Variants in RABGAP1L observed in about 807,000 individuals in gnomAD.
The protein encoded by RABGAP1L is RAB GTPase activating protein 1 like.
A neutral mutation model predicts 137.7 loss-of-function variants in RABGAP1L; 63 were observed. The observed-to-expected ratio is 0.46, with a 90% CI of 0.37 to 0.56. The LOEUF (loss-of-function observed/expected upper bound fraction) is 0.56. Ranked by LOEUF, RABGAP1L falls within the 20% of genes least tolerant of loss-of-function variation. The pLI is 0.00. For missense variants in RABGAP1L, 1,095 were observed against 1,244.0 expected, an observed-to-expected ratio of 0.88 and a Z score of 1.80; for synonymous variants, 431 against 433.7, an observed-to-expected ratio of 0.99 and a Z score of 0.08.
intron 18 of RABGAP1L, among the ~76,000 whole-genome samples, chr1:174,807,269 A>G (rs894684248): frequency 1.3e-5 from 2 of 152,216 alleles, no homozygotes; most frequent in African/African-American, 4.8e-5. Flanking sequence ...ATTTTGGGCC[A>G]TGAATATGTA....
In RABGAP1L at chr1:174,460,090, G is replaced by T. The variant is rs562469345; in HGVS notation, c.1710+65945G>T. Among the ~76,000 whole-genome samples, 578 of 151,976 alleles carry T rather than the reference G, an allele frequency of 3.8e-3. 4 individuals carry two copies. Among genetic ancestry groups the T allele is most frequent in the African/African-American group, 0.012 (498 of 41,456 alleles). On this transcript the variant is annotated intron_variant, in intron 13 of 25. Transcript: ENST00000681986. ...GAGTGACAAGGTATATTGTTTCCAC[G>T]TTTTTATATACCCACCAGCTTGCCC...
chr1:174,445,625 G>A (rs1654655566), intron 13 of RABGAP1L, among the ~76,000 whole-genome samples: 1 of 152,158 alleles, frequency 6.6e-6, no homozygotes, highest in African/African-American at 2.4e-5. Flanking sequence ...TAATTAAAAT[G>A]TAACTATATA....
At chr1:174,362,124 TA>T (rs572550563) in intron 11 of RABGAP1L, among the ~76,000 whole-genome samples, 13 of 152,378 alleles carry the variant, frequency 8.5e-5, no homozygotes, top group African/African-American at 3.1e-4. Context: ...TCATTTTTTT[TA>T]TGGCTACATA....
intron 13 of RABGAP1L, among the ~76,000 whole-genome samples, chr1:174,407,933 C>T (rs1031790461): frequency 2.6e-5 from 4 of 152,062 alleles, no homozygotes; most frequent in Admixed American, 6.6e-5. Flanking sequence ...ATTAGCATTA[C>T]ACGGCATTTC....
chr1:174,542,768 T>C (rs754895914), intron 13 of RABGAP1L, among the ~76,000 whole-genome samples: 4 of 152,230 alleles, frequency 2.6e-5, no homozygotes, highest in Non-Finnish European at 1.5e-5. Flanking sequence ...GCTTTAAATG[T>C]GTCCCAGAGA....
Position 174,500,712 on chromosome 1 carries a change from CCTT to C in RABGAP1L, c.1710+106570_1710+106572del, listed in dbSNP as rs1409751833. ...CCCATACACTCATTTAATGCCATAACCTTCTGATATAGATATTATTATCCATAA... is the reference window on the plus strand; with the variant it reads ...CCCATACACTCATTTAATGCCATAACCTGATATAGATATTATTATCCATAA... On this transcript the variant is annotated intron_variant, in intron 13 of 25. Coordinates refer to ENST00000681986, the MANE Select transcript of RABGAP1L (RefSeq NM_001366446.1). 9.2e-5 allele frequency among the ~76,000 whole-genome samples: 14 copies of C among 152,048 alleles called. No homozygotes were observed. In the East Asian group the frequency reaches 2.5e-3, roughly 27 times the overall value.
At chr1:174,736,987 G>T (rs1444873647) in intron 17 of RABGAP1L, among the ~76,000 whole-genome samples, 20 of 152,188 alleles carry the variant, frequency 1.3e-4, no homozygotes, top group Admixed American at 1.3e-3. Context: ...CTGTCTCCAA[G>T]ATCTCTGAAA....
intron 17 of RABGAP1L, among the ~76,000 whole-genome samples, chr1:174,723,388 G>A (rs1469795918): frequency 1.3e-5 from 2 of 152,160 alleles, no homozygotes; most frequent in Admixed American, 6.5e-5. Flanking sequence ...ATTTTTGTAA[G>A]TCAAAATTTT....
chr1:174,351,793 TTTG>T (rs1024076333), intron 11 of RABGAP1L, among the ~76,000 whole-genome samples: 7 of 145,932 alleles, frequency 4.8e-5, no homozygotes, highest in South Asian at 4.2e-4. Flanking sequence ...GTGTGTTTTT[TTTG>T]TTTTGTTTTG....
chr1:174,325,585 C>G (rs187357083), intron 11 of RABGAP1L, among the ~76,000 whole-genome samples: 1 of 152,142 alleles, frequency 6.6e-6, no homozygotes, highest in African/African-American at 2.4e-5. Flanking sequence ...CAGTACCACA[C>G]GTGGAAGTTT....
intron 19 of RABGAP1L, among the ~76,000 whole-genome samples, chr1:174,887,022 T>G (rs1026412177): frequency 1.3e-5 from 2 of 151,984 alleles, no homozygotes; most frequent in African/African-American, 4.8e-5. Flanking sequence ...CCAAGCTGGT[T>G]TCAAACTCCT....
At chr1:174,593,023 A>C (rs1294120192) in intron 13 of RABGAP1L, among the ~76,000 whole-genome samples, 1 of 24,588 alleles carries the variant, frequency 4.1e-5, no homozygotes, top group Non-Finnish European at 6.2e-5. Flanking sequence ...TATTGCCACA[A>C]TTTCAGAGCC....
At chr1:174,880,034 G>A (rs1005137639) in intron 19 of RABGAP1L, among the ~76,000 whole-genome samples, 1 of 148,786 alleles carries the variant, frequency 6.7e-6, no homozygotes, top group Non-Finnish European at 1.5e-5. Flanking sequence ...TGGATGTCAC[G>A]GTGAGCTGAG....
chr1:174,661,205 G>A (rs1300395489), intron 14 of RABGAP1L, among the ~76,000 whole-genome samples: 1 of 152,170 alleles, frequency 6.6e-6, no homozygotes, highest in Non-Finnish European at 1.5e-5. Flanking sequence ...GTTCTGGGCT[G>A]TATATTAAGG....
At chr1:174,173,765 G>A (rs1048130637) in intron 1 of RABGAP1L, among the ~76,000 whole-genome samples, 1 of 152,024 alleles carries the variant, frequency 6.6e-6, no homozygotes, top group Non-Finnish European at 1.5e-5. Context: ...GATGAATAGA[G>A]AGTGGCAAGG....
intron 13 of RABGAP1L, among the ~76,000 whole-genome samples, chr1:174,614,616 T>C (rs1671608914): frequency 6.6e-6 from 1 of 152,334 alleles, no homozygotes; most frequent in East Asian, 1.9e-4. Flanking sequence ...TGAATCTGAA[T>C]GTTGGCCTGC....
At chr1:174,650,540 A>G (rs1172503047) in intron 14 of RABGAP1L, among the ~76,000 whole-genome samples, 5 of 152,082 alleles carry the variant, frequency 3.3e-5, no homozygotes, top group African/African-American at 4.8e-5. Flanking sequence ...CAGAGATTCA[A>G]CTTCTTCCTG....
At position 174,708,288 on chromosome 1, in the gene RABGAP1L, A is replaced by G. The variant is rs1443659000; in HGVS notation, c.2169+6032A>G. ...TCCCTCCTTATCCCCATTCTCCCCC[A>G]CAAAAAACTCATCAGAATGAGCTTA... On this transcript the variant is annotated intron_variant, in intron 17 of 25. Transcript: ENST00000681986. Among the ~76,000 whole-genome samples, 4 of 152,122 alleles carry G rather than the reference A, an allele frequency of 2.6e-5. No individual in the cohort carries two copies. The East Asian group carries it at 7.7e-4, about 29-fold the overall frequency.
intron 11 of RABGAP1L, among the ~76,000 whole-genome samples, chr1:174,362,245 C>A (rs568897050): frequency 1.3e-5 from 2 of 152,198 alleles, no homozygotes; most frequent in African/African-American, 2.4e-5. Context: ...AGTGAACATC[C>A]GTGTGCATGT....
Sources: allele counts gnomAD v4.1 joint callset (sites outside exome capture counted in the v4.1 genomes callset), GRCh38; gene constraint gnomAD v4.1.1; transcripts MANE v1.5; gene names NCBI Gene and HGNC (gene_info 2026-07-23, HGNC 2026-07-21).